EIF2B3: variants seen among roughly 807,000 people sequenced by gnomAD.
EIF2B3 encodes translation initiation factor eIF2B subunit gamma.
Under a neutral mutation model 54.1 loss-of-function variants are expected in EIF2B3, and 20 were observed. The ratio of observed to expected loss-of-function variants is 0.37; its 90% confidence interval spans 0.26 to 0.54. The LOEUF is 0.54. Ranked by LOEUF, EIF2B3 falls within the 20% of genes least tolerant of loss-of-function variation. EIF2B3 has a pLI of 0.86. For missense variants in EIF2B3, 448 were observed against 547.8 expected, an observed-to-expected ratio of 0.82 and a Z score of 1.82; for synonymous variants, 153 against 188.1, an observed-to-expected ratio of 0.81 and a Z score of 1.52.
chr1:44,855,507 C>T (rs988201425), intron 11 of EIF2B3, among the ~76,000 whole-genome samples: 2 of 152,064 alleles, frequency 1.3e-5, no homozygotes, highest in Non-Finnish European at 2.9e-5. Flanking sequence ...AAATCAGGAC[C>T]TGTTCTGAGA....
chr1:44,968,047 T>TAAATAA (rs144844434), intron 3 of EIF2B3, among the ~76,000 whole-genome samples: 3,391 of 145,858 alleles, frequency 0.023, 129 homozygotes, highest in African/African-American at 0.082. Flanking sequence ...TGAAAATAAA[T>TAAATAA]AAATAAAAAT....
chr1:44,874,192 T>C (rs1428833975), intron 10 of EIF2B3, among the ~76,000 whole-genome samples: 1 of 152,234 alleles, frequency 6.6e-6, no homozygotes. Context: ...GTCTTGTTTT[T>C]GTTAAATAGT....
chr1:44,881,750 A>G lies in EIF2B3; in HGVS notation c.657-11T>C, dbSNP rs1450297262. On this transcript the variant is annotated splice_polypyrimidine_tract_variant and intron_variant, in intron 6 of 11. Transcript: ENST00000360403. The surrounding 1 kb of genome is among the most constrained non-coding windows in gnomAD (Gnocchi z 4.0). ...ATAGAAGTTATTGACCTAGAAAGAA[A>G]GAATGGCCAAATATGAGAAACCTGA... The G allele has an allele frequency of 6.2e-7, 1 of 1,613,942 alleles. No homozygotes were observed. The highest frequency in any genetic ancestry group is 1.7e-5 in the Admixed American group (1 of 60,032).
chr1:44,880,105 G>A (rs1489003227), intron 7 of EIF2B3, 97 bp from the exon 8 acceptor site: 5 of 1,345,400 alleles, frequency 3.7e-6, no homozygotes, highest in Admixed American at 2.0e-5. Flanking sequence ...TTTAAGAGAC[G>A]AGGTCTTGCT....
At chr1:44,916,273 G>C (rs1444334693) in intron 5 of EIF2B3, among the ~76,000 whole-genome samples, 4 of 152,020 alleles carry the variant, frequency 2.6e-5, no homozygotes, top group Non-Finnish European at 4.4e-5. Flanking sequence ...CCAGGCTAGA[G>C]TGCAGTGGCA....
chr1:44,932,179 T>TGAAAAAAAAAAAA (rs1643902542), intron 4 of EIF2B3: 2 of 152,028 alleles, frequency 1.3e-5, no homozygotes, highest in Non-Finnish European at 2.9e-5. Context: ...GGAGAGATGT[T>TGAAAAAAAAAAAA]GAAAATATTC....
chr1:44,984,961 C>T (rs1281546436), intron 1 of EIF2B3, among the ~76,000 whole-genome samples: 10 of 150,150 alleles, frequency 6.7e-5, no homozygotes, highest in African/African-American at 2.5e-4. Context: ...CACCCGCCAC[C>T]GCGCCCGGCT....
At chr1:44,948,464 T>G (rs934860678) in intron 3 of EIF2B3, among the ~76,000 whole-genome samples, 1 of 152,154 alleles carries the variant, frequency 6.6e-6, no homozygotes, top group Non-Finnish European at 1.5e-5. Flanking sequence ...CTACTGCATA[T>G]GTCTTTTCCC....
chr1:44,875,912 C>G (rs532626019), intron 8 of EIF2B3, among the ~76,000 whole-genome samples: 2 of 152,370 alleles, frequency 1.3e-5, no homozygotes, highest in East Asian at 1.9e-4. Context: ...AGCCTGCCGA[C>G]TGCCTGCAAT....
chr1:44,985,102 G>A (rs990646594), intron 1 of EIF2B3, among the ~76,000 whole-genome samples: 2 of 152,052 alleles, frequency 1.3e-5, no homozygotes, highest in Non-Finnish European at 2.9e-5. Context: ...CACCGCGCCC[G>A]GCCAATAATG....
intron 3 of EIF2B3, among the ~76,000 whole-genome samples, chr1:44,942,419 T>G (rs12033261): frequency 3.6e-5 from 1 of 27,700 alleles, no homozygotes; most frequent in African/African-American, 2.0e-4. Flanking sequence ...ATATATATAT[T>G]TTTTTTTTTT....
intron 5 of EIF2B3, among the ~76,000 whole-genome samples, chr1:44,917,934 C>A (rs1165947961): frequency 6.6e-6 from 1 of 150,504 alleles, no homozygotes. Context: ...CCACCACGCC[C>A]GGCTAATTTT....
chr1:44,853,478 T>C (rs1413854047), intron 11 of EIF2B3, among the ~76,000 whole-genome samples: 3 of 152,046 alleles, frequency 2.0e-5, no homozygotes, highest in Non-Finnish European at 2.9e-5. Context: ...TGTGGTGGCA[T>C]ATGCCTGTGG....
intron 10 of EIF2B3, among the ~76,000 whole-genome samples, chr1:44,866,441 T>G (rs1654782776): frequency 6.6e-6 from 1 of 150,994 alleles, no homozygotes; most frequent in African/African-American, 2.4e-5. Flanking sequence ...GCATTTATAG[T>G]CTAGTTGAAG....
chr1:44,931,832 G>T (rs1405006279), intron 4 of EIF2B3, among the ~76,000 whole-genome samples: 1 of 152,202 alleles, frequency 6.6e-6, no homozygotes, highest in Non-Finnish European at 1.5e-5. Context: ...AAAATGTATA[G>T]TACGCTGGGC....
At chr1:44,954,507 G>A (rs866722786) in intron 3 of EIF2B3, among the ~76,000 whole-genome samples, 3 of 152,110 alleles carry the variant, frequency 2.0e-5, no homozygotes, top group Middle Eastern at 3.2e-3. Flanking sequence ...GTGAATGGGC[G>A]TTAACTCATG....
At chr1:44,852,934 G>A (rs912378055) in intron 11 of EIF2B3, among the ~76,000 whole-genome samples, 2 of 152,138 alleles carry the variant, frequency 1.3e-5, no homozygotes, top group African/African-American at 2.4e-5. Flanking sequence ...TATAACTGGA[G>A]AGCTAAAGCT....
intron 5 of EIF2B3, among the ~76,000 whole-genome samples, chr1:44,907,132 ACCTGGATTACTACAATACCTTCCCTT>A (rs1248395829): frequency 6.6e-6 from 1 of 152,164 alleles, no homozygotes; most frequent in Non-Finnish European, 1.5e-5. Flanking sequence ...ATTACTTCTT[ACCTGGATTACTACAATACCTTCCCTT>A]ACTTGGTCTC....
rs144770190 is a variant in EIF2B3 at position 44,959,288 on chromosome 1, C to T, written c.295-17623G>A. The T allele has an allele frequency of 7.2e-4, 484 of 668,188 alleles. 4 individuals carry two copies. In the African/African-American group the frequency reaches 7.3e-3, roughly 10 times the overall value. The allele number at this position is 668,188 out of a possible 1,614,324, so 41.4% of individuals were successfully genotyped here. A position where few individuals can be genotyped will look rare whatever the true frequency, so the allele number is the denominator to read the frequency against. On this transcript the variant is annotated intron_variant, in intron 3 of 11. Coordinates refer to ENST00000360403, the MANE Select transcript of EIF2B3 (RefSeq NM_020365.5). ...ACCTTTTTTTTTGTGGGTTCTTCCA[C>T]AGCACCTGAAACCAGCAACAGCTTA... is the stretch of plus-strand genomic sequence containing the variant.
Sources: gnomAD v4.1 joint callset for allele counts (sites outside exome capture counted in the v4.1 genomes callset) on GRCh38, gnomAD v4.1.1 for gene constraint, Gnocchi (gnomAD v3.1) non-coding constraint, MANE v1.5 for transcripts, NCBI Gene and HGNC (gene_info 2026-07-23, HGNC 2026-07-21) for gene names.